The following SLC14A2 variants were observed in gnomAD, a reference collection of about 807,000 sequenced individuals.
The protein encoded by SLC14A2 is urea transporter 2.
Under a neutral mutation model 104.6 loss-of-function variants are expected in SLC14A2, and 91 were observed. That is an observed-to-expected ratio of 0.87 (90% CI 0.73 to 1.04). The LOEUF is 1.04. SLC14A2 is among the 50% of genes least tolerant of loss of function. The probability of loss-of-function intolerance (pLI) is 0.00; values close to 1 mark genes in which losing one functional copy is unlikely to be tolerated. For missense variants in SLC14A2, 1,189 were observed against 1,156.0 expected (o/e 1.03, Z -0.41); for synonymous variants, 476 against 466.4 (o/e 1.02, Z -0.27).
intron 1 of SLC14A2, among the ~76,000 whole-genome samples, chr18:45,256,528 C>T (rs1568123734): frequency 6.6e-6 from 1 of 152,226 alleles, no homozygotes; most frequent in Admixed American, 6.5e-5. Flanking sequence ...GCCTCATTCC[C>T]TCTTAGCTAA....
At chr18:45,275,385 C>T (rs145899426) in intron 1 of SLC14A2, among the ~76,000 whole-genome samples, 141 of 152,234 alleles carry the variant, frequency 9.3e-4, no homozygotes, top group Middle Eastern at 3.4e-3. Flanking sequence ...AAGTACTGAA[C>T]GAATTGTTGA....
intron 1 of SLC14A2, among the ~76,000 whole-genome samples, chr18:45,311,802 C>T (rs1403801389): frequency 6.6e-6 from 1 of 152,122 alleles, no homozygotes; most frequent in Admixed American, 6.5e-5. Context: ...TTTAGGAGGA[C>T]TGATCTGTGT....
chr18:45,498,197 G>A (rs1039053201), intron 2 of SLC14A2, among the ~76,000 whole-genome samples: 1 of 152,202 alleles, frequency 6.6e-6, no homozygotes, highest in Non-Finnish European at 1.5e-5. Flanking sequence ...TGTAGTGCAA[G>A]TTTTTAAAAA....
chr18:45,226,546 A>G (rs1170239762), intron 1 of SLC14A2, among the ~76,000 whole-genome samples: 2 of 152,042 alleles, frequency 1.3e-5, no homozygotes. Context: ...GGAAACCATC[A>G]TTCTGAGCAA....
chr18:45,680,372 A>T (rs1400547062), intron 19 of SLC14A2, among the ~76,000 whole-genome samples: 2 of 152,228 alleles, frequency 1.3e-5, no homozygotes, highest in Non-Finnish European at 2.9e-5. Context: ...ACATCTTTCA[A>T]AACAAAATCA....
intron 2 of SLC14A2, among the ~76,000 whole-genome samples, chr18:45,493,919 A>G (rs2043044423): frequency 6.6e-6 from 1 of 152,254 alleles, no homozygotes; most frequent in Non-Finnish European, 1.5e-5. Context: ...GCCACTGCAT[A>G]AAGGCTAAAT....
At chr18:45,421,185 A>T (rs751589135) in intron 1 of SLC14A2, among the ~76,000 whole-genome samples, 53 of 151,922 alleles carry the variant, frequency 3.5e-4, no homozygotes, top group Non-Finnish European at 6.5e-4. Context: ...TGAGCTATCT[A>T]CGTGCAGAAT....
chr18:45,645,434 G>A (rs1453596465), intron 10 of SLC14A2, among the ~76,000 whole-genome samples: 1 of 151,962 alleles, frequency 6.6e-6, no homozygotes, highest in Non-Finnish European at 1.5e-5. Context: ...TGAGTTCCAT[G>A]TGTAAAAAGC....
intron 2 of SLC14A2, among the ~76,000 whole-genome samples, chr18:45,526,616 A>G (rs1308834902): frequency 6.6e-6 from 1 of 152,172 alleles, no homozygotes; most frequent in East Asian, 1.9e-4. Flanking sequence ...AGTGAACTTG[A>G]GAGGTCAGTG....
In SLC14A2 at chr18:45,619,446, A is replaced by T. The variant is rs1009101296; in HGVS notation, c.-35+3864A>T. 2.6e-5 allele frequency among the ~76,000 whole-genome samples: 4 copies of T among 152,190 alleles called. No homozygotes were observed. In the South Asian group the frequency reaches 8.3e-4, roughly 32 times the overall value. ...CACAGGCGAACGGTAGATATTCAAC[A>T]AGGAGGGTTCTTACAAAGAGGATGG... is the stretch of plus-strand genomic sequence containing the variant. On this transcript the variant is annotated intron_variant, in intron 1 of 19. Coordinates refer to ENST00000255226, the MANE Select transcript of SLC14A2 (RefSeq NM_007163.4).
At position 45,682,821 on chromosome 18, in the gene SLC14A2, A is replaced by C; in HGVS notation, c.*302A>C. Reference sequence around the variant, plus strand: ...CTTAAAGAGAAGTCACCGGCCGGGCACGGTGGCTCACGCCTGTAATCCCAG... The same window carrying C: ...CTTAAAGAGAAGTCACCGGCCGGGCCCGGTGGCTCACGCCTGTAATCCCAG... On this transcript the variant is annotated 3_prime_UTR_variant, in exon 20 of 20. Transcript: ENST00000255226. 1 of 326,524 alleles carries C rather than the reference A, an allele frequency of 3.1e-6. No homozygotes were observed. The allele number at this position is 326,524 out of a possible 1,614,324, so 20.2% of individuals were successfully genotyped here.
intron 1 of SLC14A2, among the ~76,000 whole-genome samples, chr18:45,293,511 G>T (rs557888114): frequency 6.6e-6 from 1 of 152,148 alleles, no homozygotes; most frequent in South Asian, 2.1e-4. Flanking sequence ...TGTCAGGCAA[G>T]GTCCCCCCGA....
At chr18:45,529,118 C>A (rs369918433) in intron 2 of SLC14A2, 1 of 152,200 alleles carries the variant, frequency 6.6e-6, no homozygotes, top group African/African-American at 2.4e-5. Flanking sequence ...AGCCAAGAGC[C>A]CTGCTCAAAT....
intron 1 of SLC14A2, among the ~76,000 whole-genome samples, chr18:45,376,794 A>T (rs116493439): frequency 0.013 from 1,922 of 152,284 alleles, 40 homozygotes; most frequent in African/African-American, 0.044. Context: ...CAACCTCTGG[A>T]GCTGCAGATC....
intron 2 of SLC14A2, 76 bp from the exon 3 acceptor site, chr18:45,625,607 C>A: frequency 8.0e-7 from 1 of 1,251,332 alleles, no homozygotes; most frequent in Non-Finnish European, 1.1e-6. Context: ...AAAAACCTGC[C>A]ACCCTCCTCT....
chr18:45,490,623 G>A (rs574564935), intron 2 of SLC14A2, among the ~76,000 whole-genome samples: 1 of 152,244 alleles, frequency 6.6e-6, no homozygotes, highest in East Asian at 1.9e-4. Context: ...TTAAGACCAA[G>A]TTTATAGTCT....
intron 1 of SLC14A2, among the ~76,000 whole-genome samples, chr18:45,241,668 A>C (rs1599605149): frequency 1.1e-5 from 1 of 94,436 alleles, no homozygotes; most frequent in African/African-American, 4.3e-5. Context: ...TTTGAAATGG[A>C]GTTTCACTCT....
intron 2 of SLC14A2, among the ~76,000 whole-genome samples, chr18:45,544,104 C>T (rs1369083824): frequency 6.6e-6 from 1 of 152,226 alleles, no homozygotes; most frequent in Non-Finnish European, 1.5e-5. Context: ...TCGCCCAATG[C>T]ACCGTCCCCT....
At chr18:45,620,132 G>A (rs181046070) in intron 1 of SLC14A2, among the ~76,000 whole-genome samples, 228 of 152,292 alleles carry the variant, frequency 1.5e-3, no homozygotes, top group Non-Finnish European at 1.6e-3. Context: ...GCAAAGGAAC[G>A]CTGTATTCCC....
Sources: allele counts gnomAD v4.1 joint callset (sites outside exome capture counted in the v4.1 genomes callset), GRCh38; gene constraint gnomAD v4.1.1; transcripts MANE v1.5; gene names NCBI Gene and HGNC (gene_info 2026-07-23, HGNC 2026-07-21).